The following TRIM44 variants were observed in gnomAD, a reference collection of about 807,000 sequenced individuals.
TRIM44 encodes tripartite motif containing 44.
Under a neutral mutation model 37.4 loss-of-function variants are expected in TRIM44, and 13 were observed. The observed-to-expected ratio is 0.35, with a 90% CI of 0.23 to 0.55. TRIM44 has a LOEUF of 0.55. Among genes scored for constraint, TRIM44 ranks in the 20% least tolerant of loss-of-function variants. The pLI is 0.89. For synonymous variants in TRIM44, 175 were observed against 157.2 expected (o/e 1.11, Z -0.85); for missense variants, 426 against 437.2 (o/e 0.97, Z 0.23).
chr11:35,694,933 T>C (rs1590513067), intron 2 of TRIM44, among the ~76,000 whole-genome samples: 1 of 152,288 alleles, frequency 6.6e-6, no homozygotes, highest in Admixed American at 6.5e-5. Context: ...TGTAGCATAA[T>C]AACTTAGTGT....
chr11:35,789,422 A>G (rs1853172361), intron 4 of TRIM44, among the ~76,000 whole-genome samples: 1 of 152,210 alleles, frequency 6.6e-6, no homozygotes, highest in South Asian at 2.1e-4. Flanking sequence ...TTAATGAGAA[A>G]AGTGATCACT....
chr11:35,808,771 C>T lies in TRIM44; in HGVS notation c.*2386C>T, dbSNP rs905495210. The T allele has an allele frequency of 3.9e-5, 6 of 152,230 alleles. No homozygotes were observed. The highest frequency in any genetic ancestry group is 7.2e-5 in the African/African-American group (3 of 41,452). 9.4% of individuals were successfully genotyped at this position (152,230 alleles called of 1,614,324 possible). On this transcript the variant is annotated 3_prime_UTR_variant, in exon 5 of 5. Coordinates refer to ENST00000299413, the MANE Select transcript of TRIM44 (RefSeq NM_017583.6). ...CACAGTGCAGCAGCTTTTGCCCAGG[C>T]TTCTAAGTTCCTGCCGGCAGCATTT...
chr11:35,749,246 G>A (rs1327239461), intron 4 of TRIM44, among the ~76,000 whole-genome samples: 1 of 152,116 alleles, frequency 6.6e-6, no homozygotes, highest in Non-Finnish European at 1.5e-5. Context: ...CTTAAGAAAA[G>A]GTAAAGGAAG....
At chr11:35,763,561 T>G (rs1341791828) in intron 4 of TRIM44, among the ~76,000 whole-genome samples, 1 of 152,072 alleles carries the variant, frequency 6.6e-6, no homozygotes, top group Non-Finnish European at 1.5e-5. Flanking sequence ...AAAATGAGAG[T>G]CCTGAGTTTG....
intron 4 of TRIM44, among the ~76,000 whole-genome samples, chr11:35,783,865 G>A (rs1351382154): frequency 1.3e-5 from 2 of 152,136 alleles, no homozygotes; most frequent in Non-Finnish European, 2.9e-5. Flanking sequence ...AGTGAAAGAG[G>A]GAAAGCCCTA....
intron 2 of TRIM44, among the ~76,000 whole-genome samples, chr11:35,695,921 G>A (rs895450677): frequency 4.3e-4 from 63 of 146,342 alleles, no homozygotes; most frequent in Non-Finnish European, 7.9e-4. Flanking sequence ...TGCTTCCCAT[G>A]TAACATGTCA....
rs114722521 is a variant in TRIM44 at position 35,802,386 on chromosome 11, A to G, written c.1008-3972A>G. On this transcript the variant is annotated intron_variant, in intron 4 of 4. Coordinates refer to ENST00000299413, the MANE Select transcript of TRIM44 (RefSeq NM_017583.6). ...CTAAAATTGTTACATGCTAAGATTCAGAAGGGTGAGTGAGAGTAGCATTTC... is the reference window on the plus strand; with the variant it reads ...CTAAAATTGTTACATGCTAAGATTCGGAAGGGTGAGTGAGAGTAGCATTTC... Among the ~76,000 whole-genome samples the G allele has an allele frequency of 1.5e-3, 231 of 152,284 alleles. 1 individual carries two copies. The highest frequency in any genetic ancestry group is 5.4e-3 in the African/African-American group (225 of 41,550).
intron 4 of TRIM44, among the ~76,000 whole-genome samples, chr11:35,758,125 T>A (rs1340644657): frequency 6.6e-6 from 1 of 152,174 alleles, no homozygotes; most frequent in African/African-American, 2.4e-5. Context: ...TATTATTGTG[T>A]GGGAGTCTAA....
chr11:35,672,281 C>G (rs1770240590), intron 1 of TRIM44, among the ~76,000 whole-genome samples: 1 of 152,094 alleles, frequency 6.6e-6, no homozygotes, highest in Admixed American at 6.5e-5. Context: ...ATTTGCCTTA[C>G]TACATACGAT....
intron 4 of TRIM44, among the ~76,000 whole-genome samples, chr11:35,779,485 C>G (rs1360319308): frequency 6.6e-6 from 1 of 152,130 alleles, no homozygotes; most frequent in Non-Finnish European, 1.5e-5. Context: ...CCTGGTACCT[C>G]AGTTGGAAAT....
intron 4 of TRIM44, among the ~76,000 whole-genome samples, chr11:35,760,577 C>T (rs1446312937): frequency 6.6e-6 from 1 of 152,240 alleles, no homozygotes; most frequent in Non-Finnish European, 1.5e-5. Context: ...CACTCGTCTT[C>T]TGCGTCACTC....
At position 35,812,595 on chromosome 11, in the gene TRIM44, G is replaced by A; in HGVS notation, c.*6210G>A. 1 of 152,202 alleles carries A rather than the reference G, an allele frequency of 6.6e-6. No individual in the cohort carries two copies. The highest frequency in any genetic ancestry group is 1.9e-4 in the East Asian group (1 of 5,198). 9.4% of individuals were successfully genotyped at this position (152,202 alleles called of 1,614,324 possible). Reference sequence around the variant, plus strand: ...ACGGTTACACCCTAATAAGCGGGAAGCCAGAATTTAAACCCAGGTCTAGCA... The same window carrying A: ...ACGGTTACACCCTAATAAGCGGGAAACCAGAATTTAAACCCAGGTCTAGCA... On this transcript the variant is annotated 3_prime_UTR_variant, in exon 5 of 5. Coordinates refer to ENST00000299413, the MANE Select transcript of TRIM44 (RefSeq NM_017583.6).
At chr11:35,774,888 A>C (rs1185046638) in intron 4 of TRIM44, among the ~76,000 whole-genome samples, 1 of 152,146 alleles carries the variant, frequency 6.6e-6, no homozygotes, top group Non-Finnish European at 1.5e-5. Flanking sequence ...GTATAGTTTG[A>C]AGTCAGGTAG....
intron 2 of TRIM44, among the ~76,000 whole-genome samples, chr11:35,707,460 A>G (rs568251818): frequency 6.6e-6 from 1 of 152,342 alleles, no homozygotes; most frequent in East Asian, 1.9e-4. Flanking sequence ...CACCAAGTCA[A>G]TTGTAAGCCA....
intron 4 of TRIM44, among the ~76,000 whole-genome samples, chr11:35,757,351 C>T (rs559441822): frequency 5.3e-5 from 8 of 152,064 alleles, no homozygotes; most frequent in African/African-American, 1.9e-4. Flanking sequence ...TGGTGATATC[C>T]CCTTTATCAT....
At chr11:35,686,877 T>C (rs1851588165) in intron 2 of TRIM44, among the ~76,000 whole-genome samples, 1 of 152,196 alleles carries the variant, frequency 6.6e-6, no homozygotes, top group Non-Finnish European at 1.5e-5. Flanking sequence ...TGTGCAGCCA[T>C]CATCACTGTC....
At chr11:35,803,530 G>C (rs547151190) in intron 4 of TRIM44, among the ~76,000 whole-genome samples, 3 of 152,164 alleles carry the variant, frequency 2.0e-5, no homozygotes, top group Non-Finnish European at 4.4e-5. Context: ...AGGAGTTCAA[G>C]GCCAACGTGG....
At chr11:35,709,028 C>T (rs1016537824) in intron 2 of TRIM44, among the ~76,000 whole-genome samples, 2 of 151,484 alleles carry the variant, frequency 1.3e-5, no homozygotes, top group Non-Finnish European at 2.9e-5. Flanking sequence ...AGGACCTCTA[C>T]CCCAATCCCT....
At chr11:35,802,496 G>GGTAA (rs1256612140) in intron 4 of TRIM44, among the ~76,000 whole-genome samples, 11 of 152,276 alleles carry the variant, frequency 7.2e-5, no homozygotes, top group Middle Eastern at 3.4e-3. Context: ...TTTCTGAGAA[G>GGTAA]GTAAGTTTTA....
Sources: allele counts gnomAD v4.1 joint callset (sites outside exome capture counted in the v4.1 genomes callset), GRCh38; gene constraint gnomAD v4.1.1; transcripts MANE v1.5; gene names NCBI Gene and HGNC (gene_info 2026-07-23, HGNC 2026-07-21).